The following ALK variants were observed in gnomAD, a reference collection of about 807,000 sequenced individuals.
ALK encodes the protein ALK tyrosine kinase receptor.
ALK carries 74 observed loss-of-function variants against 163.1 expected under a neutral mutation model. That is an observed-to-expected ratio of 0.45 (90% CI 0.38 to 0.55). ALK has a LOEUF of 0.55. Ranked by LOEUF, ALK falls within the 20% of genes least tolerant of loss-of-function variation. ALK has a pLI of 0.00. For missense variants in ALK, 2,063 were observed against 2,105.3 expected, an observed-to-expected ratio of 0.98 and a Z score of 0.39; for synonymous variants, 960 against 843.2, an observed-to-expected ratio of 1.14 and a Z score of -2.40.
intron 3 of ALK, among the ~76,000 whole-genome samples, chr2:29,563,088 C>T (rs980274134): frequency 7.2e-5 from 11 of 152,184 alleles, no homozygotes; most frequent in Non-Finnish European, 1.0e-4. Flanking sequence ...TCTCTGCTGG[C>T]GCAGAGCCCA....
intron 4 of ALK, among the ~76,000 whole-genome samples, chr2:29,419,034 GTATTT>G (rs1451407614): frequency 1.3e-5 from 2 of 151,274 alleles, no homozygotes; most frequent in African/African-American, 4.9e-5. Flanking sequence ...GGAAGACAAG[GTATTT>G]TATTTTATTT....
chr2:29,439,738 C>G (rs895410016), intron 4 of ALK, among the ~76,000 whole-genome samples: 1 of 150,212 alleles, frequency 6.7e-6, no homozygotes, highest in African/African-American at 2.5e-5. Context: ...AAGGCCATGT[C>G]AGGCCAGAAG....
At chr2:29,607,710 C>T (rs1675576717) in intron 3 of ALK, among the ~76,000 whole-genome samples, 1 of 152,184 alleles carries the variant, frequency 6.6e-6, no homozygotes, top group African/African-American at 2.4e-5. Context: ...ACCTCCCTCT[C>T]AGCCACTGTA....
intron 11 of ALK, among the ~76,000 whole-genome samples, chr2:29,257,901 T>C (rs1336973032): frequency 6.6e-6 from 1 of 152,226 alleles, no homozygotes; most frequent in Non-Finnish European, 1.5e-5. Context: ...TACAGTAGCA[T>C]GATCTTGGCT....
At chr2:29,869,037 G>C (rs1308039942) in intron 1 of ALK, among the ~76,000 whole-genome samples, 2 of 152,206 alleles carry the variant, frequency 1.3e-5, no homozygotes, top group Non-Finnish European at 2.9e-5. Context: ...GACAGAGTTT[G>C]AAACGTCTTT....
At chr2:29,690,698 TTCC>T (rs1558443687) in intron 3 of ALK, among the ~76,000 whole-genome samples, 2 of 152,242 alleles carry the variant, frequency 1.3e-5, no homozygotes, top group Non-Finnish European at 2.9e-5. Flanking sequence ...GAATTGTATC[TTCC>T]TTATTATTCT....
chr2:29,877,547 C>T (rs549513577), intron 1 of ALK, among the ~76,000 whole-genome samples: 23 of 152,292 alleles, frequency 1.5e-4, no homozygotes, highest in Middle Eastern at 3.4e-3. Context: ...CTAGACCATG[C>T]CTATCACATA....
chr2:29,561,472 T>C (rs186994227), intron 3 of ALK, among the ~76,000 whole-genome samples: 13 of 152,308 alleles, frequency 8.5e-5, no homozygotes, highest in Middle Eastern at 3.4e-3. Context: ...TTTTGCAAGC[T>C]GAGGGACAGG....
At chr2:29,303,308 G>T (rs1459372016) in intron 8 of ALK, among the ~76,000 whole-genome samples, 1 of 152,098 alleles carries the variant, frequency 6.6e-6, no homozygotes, top group Non-Finnish European at 1.5e-5. Flanking sequence ...AACCACCAGA[G>T]AAATGCAAAT....
At chr2:29,919,684 C>T (rs2148442526) in intron 1 of ALK, among the ~76,000 whole-genome samples, 1 of 152,190 alleles carries the variant, frequency 6.6e-6, no homozygotes, top group South Asian at 2.1e-4. Flanking sequence ...TGTCCCGGGG[C>T]CCAGGAAGAG....
chr2:29,361,147 C>A (rs1668379587), intron 5 of ALK, among the ~76,000 whole-genome samples: 1 of 152,198 alleles, frequency 6.6e-6, no homozygotes, highest in Non-Finnish European at 1.5e-5. Flanking sequence ...CAAATCAATA[C>A]CCCTGACTGG....
At chr2:29,710,535 T>C (rs1248612058) in intron 2 of ALK, among the ~76,000 whole-genome samples, 1 of 150,894 alleles carries the variant, frequency 6.6e-6, no homozygotes, top group Non-Finnish European at 1.5e-5. Context: ...TGTGTGTGTA[T>C]GATGGAGTCT....
chr2:29,902,082 G>A (rs1667427391), intron 1 of ALK, among the ~76,000 whole-genome samples: 1 of 152,176 alleles, frequency 6.6e-6, no homozygotes, highest in African/African-American at 2.4e-5. Context: ...TCTCTGTGCT[G>A]ATGACTCCCA....
chr2:29,365,355 C>T (rs1029128133), intron 5 of ALK, among the ~76,000 whole-genome samples: 1 of 152,176 alleles, frequency 6.6e-6, no homozygotes, highest in African/African-American at 2.4e-5. Context: ...GCTTGATGAA[C>T]AGATGGGATT....
intron 4 of ALK, among the ~76,000 whole-genome samples, chr2:29,390,763 G>C (rs910956720): frequency 6.6e-6 from 1 of 152,178 alleles, no homozygotes; most frequent in Non-Finnish European, 1.5e-5. Context: ...ATGGGAGATA[G>C]CAGGGGAAAA....
chr2:29,544,382 C>A (rs1003446902), intron 3 of ALK, among the ~76,000 whole-genome samples: 1 of 152,136 alleles, frequency 6.6e-6, no homozygotes, highest in African/African-American at 2.4e-5. Flanking sequence ...CTTCTCAGAG[C>A]CTTGATATGC....
intron 5 of ALK, among the ~76,000 whole-genome samples, chr2:29,377,869 G>T (rs542654285): frequency 6.6e-6 from 1 of 152,180 alleles, no homozygotes; most frequent in African/African-American, 2.4e-5. Flanking sequence ...CACGGGTAAG[G>T]TGAAGGTTAT....
chr2:29,699,699 T>TC (rs1336629779), intron 2 of ALK, among the ~76,000 whole-genome samples: 6 of 152,210 alleles, frequency 3.9e-5, no homozygotes, highest in African/African-American at 1.4e-4. Context: ...GATCTTGACC[T>TC]TTTTTTGTTT....
chr2:29,913,772 G>A (rs1667765584), intron 1 of ALK, among the ~76,000 whole-genome samples: 1 of 152,136 alleles, frequency 6.6e-6, no homozygotes, highest in African/African-American at 2.4e-5. Context: ...CGTCTCCAGG[G>A]AGTCTCAAAG....
Sources: gnomAD v4.1 joint callset for allele counts (sites outside exome capture counted in the v4.1 genomes callset) on GRCh38, gnomAD v4.1.1 for gene constraint, MANE v1.5 for transcripts, NCBI Gene and HGNC (gene_info 2026-07-23, HGNC 2026-07-21) for gene names.